Variants in FHDC1 observed in about 807,000 individuals in gnomAD.
FHDC1 encodes FH2 domain-containing protein 1.
FHDC1 carries 25 observed loss-of-function variants against 52.6 expected under a neutral mutation model. That is an observed-to-expected ratio of 0.48 (90% CI 0.35 to 0.66). The LOEUF is 0.66. Ranked by LOEUF, FHDC1 falls within the 30% of genes least tolerant of loss-of-function variation. FHDC1 has a pLI of 0.01. For synonymous variants in FHDC1, 616 were observed against 581.5 expected, an observed-to-expected ratio of 1.06 and a Z score of -0.85; for missense variants, 1,459 against 1,452.8, an observed-to-expected ratio of 1.00 and a Z score of -0.07.
intron 10 of FHDC1, among the ~76,000 whole-genome samples, chr4:152,969,350 T>C (rs867342957): frequency 6.6e-6 from 1 of 152,360 alleles, no homozygotes; most frequent in South Asian, 2.1e-4. Context: ...TTATTAAACA[T>C]GTGCTCTGTA....
chr4:152,975,267 A>G lies in FHDC1; in HGVS notation c.1976A>G (p.Gln659Arg). 1 of 1,613,514 alleles carries G rather than the reference A, an allele frequency of 6.2e-7. No homozygotes were observed. The highest frequency in any genetic ancestry group is 8.5e-7 in the Non-Finnish European group (1 of 1,180,038). Residue 659 changes from glutamine (Q) to arginine (R), a missense_variant, in exon 12 of 12, where the codon CAG (glutamine) becomes CGG (arginine). Physicochemically the swap from Gln to Arg is conservative, Grantham distance 43. Coordinates refer to ENST00000511601, the MANE Select transcript of FHDC1 (RefSeq NM_001371116.1). ...GAGCCGGTGAGCCTGGGCTCAGCAC[A>G]GTCCCCTCCTCTCTCGCCATTGGCT... is the stretch of plus-strand genomic sequence containing the variant. Reference protein sequence around the residue: ...YSEPVSLGSAQSPPLSPLALG... With the variant: ...YSEPVSLGSARSPPLSPLALG...
the FHDC1 span, among the ~76,000 whole-genome samples, chr4:152,916,576 T>TA: frequency 9.4e-4 from 130 of 137,858 alleles, no homozygotes; most frequent in East Asian, 5.7e-3. Context: ...ATAATAACAT[T>TA]AAAAAAAAAA....
At chr4:152,940,148 C>T (rs1739535128) in intron 1 of FHDC1, among the ~76,000 whole-genome samples, 1 of 152,190 alleles carries the variant, frequency 6.6e-6, no homozygotes, top group Non-Finnish European at 1.5e-5. Flanking sequence ...TCCACTTTTC[C>T]TGCCACCTCT....
chr4:152,921,100 C>A, the FHDC1 span, among the ~76,000 whole-genome samples: 1 of 152,044 alleles, frequency 6.6e-6, no homozygotes, highest in South Asian at 2.1e-4. Flanking sequence ...TTCCTTTTAA[C>A]CTTTCTTGCT....
intron 1 of FHDC1, among the ~76,000 whole-genome samples, chr4:152,939,302 G>A (rs1579078783): frequency 6.6e-6 from 1 of 152,128 alleles, no homozygotes; most frequent in East Asian, 1.9e-4. Context: ...GTGTGTTTAT[G>A]TGTGTGTGTA....
chr4:152,943,105 G>A lies in FHDC1; in HGVS notation c.48G>A (p.Gly16=). 6.2e-7 allele frequency: 1 copy of A among 1,613,894 alleles called. No homozygotes were observed. Among genetic ancestry groups the A allele is most frequent in the Non-Finnish European group, 8.5e-7 (1 of 1,179,924 alleles). The stretch of plus-strand genomic sequence containing the variant: ...CCTTGGTCAGTGATAAAGAAAATGG[G>A]AATATTGCCACAGCACCTGGATTCA... The part of the protein sequence containing the change: ...CVSLVSDKEN[G]NIATAPGFMI... Residue 16 remains glycine (G), a synonymous_variant, in exon 2 of 12, where the codon GGG becomes GGA. Coordinates refer to ENST00000511601, the MANE Select transcript of FHDC1 (RefSeq NM_001371116.1).
intron 2 of FHDC1, among the ~76,000 whole-genome samples, chr4:152,945,825 C>G (rs921775121): frequency 3.9e-5 from 6 of 152,168 alleles, no homozygotes; most frequent in Non-Finnish European, 1.5e-5. Context: ...ACCACCTTCC[C>G]TCTCCGGAAC....
chr4:152,928,996 T>C, the FHDC1 span, among the ~76,000 whole-genome samples: 1 of 152,058 alleles, frequency 6.6e-6, no homozygotes, highest in Non-Finnish European at 1.5e-5. Context: ...AGAAAGTTTA[T>C]TTTGCTAAGG....
the FHDC1 span, among the ~76,000 whole-genome samples, chr4:152,921,138 C>T: frequency 6.6e-6 from 1 of 151,990 alleles, no homozygotes; most frequent in Non-Finnish European, 1.5e-5. Flanking sequence ...TTATAACTTC[C>T]TTTACCTTGC....
At chr4:152,962,071 T>C (rs1740295276) in intron 6 of FHDC1, among the ~76,000 whole-genome samples, 2 of 152,240 alleles carry the variant, frequency 1.3e-5, no homozygotes. Context: ...TGACATTTTA[T>C]TATTTGATAG....
chr4:152,973,827 C>A (rs982627924), intron 11 of FHDC1, among the ~76,000 whole-genome samples: 2 of 152,244 alleles, frequency 1.3e-5, no homozygotes, highest in Non-Finnish European at 2.9e-5. Context: ...AAGTGCATGG[C>A]CAGGTGGTAG....
At chr4:152,956,157 T>C (rs1401355256) in intron 4 of FHDC1, among the ~76,000 whole-genome samples, 1 of 152,232 alleles carries the variant, frequency 6.6e-6, no homozygotes, top group African/African-American at 2.4e-5. Context: ...TTAGGATAGA[T>C]AGTTTTTAAT....
At chr4:152,936,917 G>A (rs1739399714) in intron 1 of FHDC1, among the ~76,000 whole-genome samples, 1 of 152,274 alleles carries the variant, frequency 6.6e-6, no homozygotes, top group South Asian at 2.1e-4. Context: ...ACACAGTGGT[G>A]GGGCGGTGGC....
At chr4:152,947,610 A>G (rs1739773795) in intron 2 of FHDC1, among the ~76,000 whole-genome samples, 1 of 152,244 alleles carries the variant, frequency 6.6e-6, no homozygotes, top group African/African-American at 2.4e-5. Context: ...AAAGGAAACA[A>G]AAGGTTACTG....
chr4:152,947,410 C>A (rs1739768145), intron 2 of FHDC1, among the ~76,000 whole-genome samples: 1 of 152,136 alleles, frequency 6.6e-6, no homozygotes, highest in African/African-American at 2.4e-5. Context: ...TCAGCTCAAA[C>A]TCATCTTCTT....
In FHDC1 at chr4:152,943,234, T is replaced by TCCCCCCCC; in HGVS notation, c.179_180insCCCCCCCC (p.Pro63HisfsTer26). 9.9e-6 allele frequency: 11 copies of TCCCCCCCC among 1,107,468 alleles called. No homozygotes were observed. Among genetic ancestry groups the TCCCCCCCC allele is most frequent in the Middle Eastern group, 2.7e-4 (1 of 3,692 alleles). The allele number at this position is 1,107,468 out of a possible 1,614,324, so 68.6% of individuals were successfully genotyped here. ...GGGAAGAGTGTCCTTCCTCCCCTCC[T>TCCCCCCCC]CCACCCCCACCACCTCCACTTCCTG... On this transcript the variant is annotated frameshift_variant, in exon 2 of 12. Coordinates refer to ENST00000511601, the MANE Select transcript of FHDC1 (RefSeq NM_001371116.1). LOFTEE classifies it high-confidence loss of function.
At chr4:152,930,117 G>A in the FHDC1 span, among the ~76,000 whole-genome samples, 1 of 152,168 alleles carries the variant, frequency 6.6e-6, no homozygotes, top group African/African-American at 2.4e-5. Context: ...CAGGAAGCAG[G>A]GCACAATTCA....
chr4:152,961,698 A>G (rs1462380163), intron 6 of FHDC1, among the ~76,000 whole-genome samples: 1 of 152,086 alleles, frequency 6.6e-6, no homozygotes, highest in Non-Finnish European at 1.5e-5. Flanking sequence ...GTTTATTCCT[A>G]TTTGGTTTTC....
At chr4:152,947,701 A>G (rs1480978093) in intron 2 of FHDC1, among the ~76,000 whole-genome samples, 1 of 152,216 alleles carries the variant, frequency 6.6e-6, no homozygotes, top group Non-Finnish European at 1.5e-5. Context: ...TCACAAAGAA[A>G]GCAGAAATAT....
Sources: gnomAD v4.1 joint callset for allele counts (sites outside exome capture counted in the v4.1 genomes callset) on GRCh38, gnomAD v4.1.1 for gene constraint, MANE v1.5 for transcripts, NCBI Gene and HGNC (gene_info 2026-07-23, HGNC 2026-07-21) for gene names.